ZAN: variants seen among roughly 807,000 people sequenced by gnomAD.
ZAN encodes zonadhesin.
A neutral mutation model predicts 286.2 loss-of-function variants in ZAN; 260 were observed. The observed-to-expected ratio is 0.91, with a 90% confidence interval of 0.82 to 1.01. The LOEUF (loss-of-function observed/expected upper bound fraction) is 1.01, where lower values mean the gene tolerates loss of function less well. Ranked by LOEUF, ZAN falls within the 50% of genes least tolerant of loss-of-function variation. ZAN has a pLI of 0.00. For synonymous variants in ZAN, 1,368 were observed against 1,417.5 expected, an observed-to-expected ratio of 0.97 and a Z score of 0.79; for missense variants, 3,410 against 3,639.2, an observed-to-expected ratio of 0.94 and a Z score of 1.62.
intron 9 of ZAN, 49 bp from the exon 10 acceptor site, chr7:100,748,088 G>C (rs2115760322): frequency 3.3e-6 from 5 of 1,513,494 alleles, no homozygotes; most frequent in Non-Finnish European, 4.6e-6. Context: ...CAGGGGCTTG[G>C]GGGTGTGGGC....
rs763037740 is a variant in ZAN at position 100,791,012 on chromosome 7, G to A, written c.7428G>A (p.Lys2476=). The A allele has an allele frequency of 9.3e-6, 15 of 1,612,508 alleles. No homozygotes were observed. The highest frequency in any genetic ancestry group is 6.7e-5 in the Admixed American group (4 of 59,782). The change falls in exon 40 of 48, where the codon AAG becomes AAA. Residue 2476 remains lysine (K), a synonymous_variant. Coordinates refer to ENST00000613979, the MANE Select transcript of ZAN (RefSeq NM_003386.3). ...GCGGAAACTACGACAAGAACCGCAAGAATGACATGATGCTGCCCAGTGGCG... is the reference window on the plus strand; with the variant it reads ...GCGGAAACTACGACAAGAACCGCAAAAATGACATGATGCTGCCCAGTGGCG... The part of the protein sequence containing the change: ...GLCGNYDKNR[K]NDMMLPSGAL...
chr7:100,781,435 A>G (rs1811188816), intron 35 of ZAN, among the ~76,000 whole-genome samples: 1 of 152,110 alleles, frequency 6.6e-6, no homozygotes, highest in Non-Finnish European at 1.5e-5. Context: ...GGGGTGCTGC[A>G]GAGCTTCTCA....
chr7:100,765,992 T>C (rs1213678239), intron 23 of ZAN, among the ~76,000 whole-genome samples: 2 of 149,502 alleles, frequency 1.3e-5, no homozygotes, highest in African/African-American at 5.0e-5. Flanking sequence ...TTTTTGGTTT[T>C]TGTTTTTTTT....
chr7:100,746,612 C>T lies in ZAN; in HGVS notation c.841C>T (p.Leu281=). The stretch of plus-strand genomic sequence containing the variant: ...AGCTGTCCTCCTGAGCCCCGTGAGC[C>T]TGTCCTCTGGCTGTCTGAGCTTTTC... ...QKAVLLSPVS[L]SSGCLSFSFH... The change falls in exon 8 of 48, where the codon CTG becomes TTG. Residue 281 remains leucine (L), a synonymous_variant. Coordinates refer to ENST00000613979, the MANE Select transcript of ZAN (RefSeq NM_003386.3). The T allele has an allele frequency of 6.2e-7, 1 of 1,614,038 alleles. No individual in the cohort carries two copies. Among genetic ancestry groups the T allele is most frequent in the South Asian group, 1.1e-5 (1 of 91,084 alleles).
intron 16 of ZAN, 61 bp from the exon 17 acceptor site, chr7:100,758,470 G>C: frequency 6.4e-7 from 1 of 1,552,760 alleles, no homozygotes; most frequent in East Asian, 2.4e-5. Context: ...GGGCCAGCAT[G>C]TGCGGTCCAG....
At chr7:100,784,521 A>G in intron 35 of ZAN, 102 bp from the exon 36 acceptor site, 2 of 1,184,174 alleles carry the variant, frequency 1.7e-6, no homozygotes, top group Non-Finnish European at 2.4e-6. Context: ...AAAGCTCCCC[A>G]AGCCTTGTTG....
chr7:100,746,724 G>C, intron 8 of ZAN, 22 bp downstream of exon 8: 2 of 1,612,954 alleles, frequency 1.2e-6, no homozygotes, highest in Non-Finnish European at 1.7e-6. Context: ...GAATTAATGG[G>C]ATTTACACTG....
rs1306114897 is a variant in ZAN, at chr7:100,773,872, G to A, written c.5779+7G>A. On this transcript the variant is annotated splice_region_variant and intron_variant, in intron 31 of 47. Transcript: ENST00000613979. ...CTCCATTGTCGGGCCTCAGGTAGGA[G>A]GACCACGGTGATGGGGGGACTCCAC... 2 of 1,597,946 alleles carry A rather than the reference G, an allele frequency of 1.3e-6. No individual in the cohort carries two copies. The highest frequency in any genetic ancestry group is 2.3e-5 in the South Asian group (2 of 88,420).
chr7:100,735,472 T>G (rs1584539116), intron 2 of ZAN, among the ~76,000 whole-genome samples: 1 of 126,050 alleles, frequency 7.9e-6, no homozygotes, highest in African/African-American at 3.0e-5. Flanking sequence ...GAGGTTGAGG[T>G]GGGAGGATTG....
chr7:100,743,610 C>T (rs1204512433), intron 7 of ZAN, among the ~76,000 whole-genome samples: 1 of 152,062 alleles, frequency 6.6e-6, no homozygotes, highest in Non-Finnish European at 1.5e-5. Flanking sequence ...GGTGCAGTAG[C>T]TCATGCCTGT....
chr7:100,788,258 A>C, intron 38 of ZAN, 122 bp downstream of exon 38: 1 of 1,339,804 alleles, frequency 7.5e-7, no homozygotes, highest in Non-Finnish European at 9.7e-7. Context: ...GCTGGTTGTA[A>C]AATCAGAGTC....
At position 100,793,768 on chromosome 7, in the gene ZAN, C is replaced by T. The variant is rs1024549351; in HGVS notation, c.7788-52C>T. The T allele has an allele frequency of 3.3e-6, 5 of 1,525,992 alleles. No homozygotes were observed. The African/African-American group carries it at 7.0e-5, about 21-fold the overall frequency. 94.5% of individuals were successfully genotyped at this position (1,525,992 alleles called of 1,614,324 possible). A position where few individuals can be genotyped will look rare whatever the true frequency, so the allele number is the denominator to read the frequency against. On this transcript the variant is annotated intron_variant, in intron 42 of 47. Coordinates refer to ENST00000613979, the MANE Select transcript of ZAN (RefSeq NM_003386.3). ...TGAGTTTTATCGGGTGACCTTGCCCCTGTTTGGCCTGCCCAGCCCCAGCCA... is the reference window on the plus strand; with the variant it reads ...TGAGTTTTATCGGGTGACCTTGCCCTTGTTTGGCCTGCCCAGCCCCAGCCA...
chr7:100,778,576 C>T (rs1304409603), intron 34 of ZAN, among the ~76,000 whole-genome samples: 1 of 152,094 alleles, frequency 6.6e-6, no homozygotes, highest in Non-Finnish European at 1.5e-5. Flanking sequence ...CCACTGTACT[C>T]CAGACTGGGC....
At chr7:100,762,090 G>A (rs988500400) in intron 19 of ZAN, 125 bp from the exon 20 acceptor site, 19 of 1,224,654 alleles carry the variant, frequency 1.6e-5, no homozygotes, top group East Asian at 5.1e-5. Flanking sequence ...TGTCCAGTCC[G>A]CACCTCTTCA....
chr7:100,766,469 A>G, intron 23 of ZAN, 56 bp from the exon 24 acceptor site: 2 of 1,504,656 alleles, frequency 1.3e-6, no homozygotes, highest in Non-Finnish European at 1.8e-6. Flanking sequence ...ATCTGGGAAA[A>G]AACAAAACAA....
Position 100,779,578 on chromosome 7 carries a change from G to A in ZAN, c.6450G>A (p.Trp2150Ter), listed in dbSNP as rs550676769. 6.2e-5 allele frequency: 100 copies of A among 1,610,130 alleles called. No individual in the cohort carries two copies. In the South Asian group the frequency reaches 1.0e-3, roughly 16 times the overall value. The change falls in exon 35 of 48, where the codon TGG (tryptophan) becomes TGA (stop). Residue 2150 changes from tryptophan to a stop codon, truncating the protein, a stop_gained. Transcript: ENST00000613979. LOFTEE classifies it high-confidence loss of function. ...KCEAALRAPVWAQCASRIDLT... is the reference protein window; with the variant it reads ...KCEAALRAPV ...AGGCAGCGCTCCGGGCTCCTGTGTG[G>A]GCCCAGTGCGCCTCCCGCATAGACC...
rs1463856670 is a variant in ZAN at position 100,751,187 on chromosome 7, T to A, written c.1527T>A (p.Ile509=). ...PSGHQQPMQL[I]FKGIQGSNTA... The stretch of plus-strand genomic sequence containing the variant: ...CTCTCCCTTGTCGCCTTTAGCTTAT[T>A]TTCAAGGGCATCCAGGGAAGCAACA... Residue 509 remains isoleucine, a synonymous_variant, in exon 13 of 48, where the codon ATT becomes ATA. Transcript: ENST00000613979. The A allele has an allele frequency of 6.2e-7, 1 of 1,605,852 alleles. No homozygotes were observed. The highest frequency in any genetic ancestry group is 1.7e-5 in the Admixed American group (1 of 57,894).
chr7:100,776,734 T>TTTTTA, intron 34 of ZAN, among the ~76,000 whole-genome samples, 170 bp downstream of exon 34: 1 of 110,220 alleles, frequency 9.1e-6, no homozygotes, highest in Non-Finnish European at 1.9e-5. Flanking sequence ...TTTTTTTTTT[T>TTTTTA]TTTTTTTTTG....
At chr7:100,784,937 T>G (rs1811464221) in intron 36 of ZAN, 103 bp downstream of exon 36, 1 of 1,333,396 alleles carries the variant, frequency 7.5e-7, no homozygotes, top group Non-Finnish European at 1.0e-6. Context: ...GACTTACAGC[T>G]GGCCCGGGGG....
Sources: allele counts gnomAD v4.1 joint callset (sites outside exome capture counted in the v4.1 genomes callset), GRCh38; gene constraint gnomAD v4.1.1; transcripts MANE v1.5; gene names NCBI Gene and HGNC (gene_info 2026-07-23, HGNC 2026-07-21).